The following ALDH2 variants were observed in gnomAD, a reference collection of about 807,000 sequenced individuals.
ALDH2 encodes aldehyde dehydrogenase, mitochondrial.
ALDH2 carries 44 observed loss-of-function variants against 59.6 expected under a neutral mutation model. That is an observed-to-expected ratio of 0.74 (90% CI 0.58 to 0.95). ALDH2 has a LOEUF of 0.95. Ranked by LOEUF, ALDH2 falls within the 40% of genes least tolerant of loss-of-function variation. ALDH2 has a pLI of 0.00. For missense variants in ALDH2, 570 were observed against 696.3 expected, an observed-to-expected ratio of 0.82 and a Z score of 2.04; for synonymous variants, 291 against 284.0, an observed-to-expected ratio of 1.02 and a Z score of -0.25.
intron 10 of ALDH2, chr12:111,799,704 G>T (rs1012070327): frequency 3.1e-5 from 16 of 516,410 alleles, no homozygotes; most frequent in African/African-American, 3.8e-5. Flanking sequence ...AAAGCCCGGG[G>T]CGCACAGGAG....
chr12:111,796,276 C>G (rs111309293), intron 9 of ALDH2, among the ~76,000 whole-genome samples: 21 of 151,944 alleles, frequency 1.4e-4, no homozygotes, highest in African/African-American at 5.1e-4. Context: ...GAGCCAAAAT[C>G]GTGCCACCGC....
At chr12:111,807,211 C>A (rs1011506410) in intron 12 of ALDH2, among the ~76,000 whole-genome samples, 1 of 151,530 alleles carries the variant, frequency 6.6e-6, no homozygotes, top group East Asian at 1.9e-4. Context: ...TGCAGTGAGC[C>A]GAGATGGTGC....
chr12:111,775,699 C>T (rs1566181718), intron 1 of ALDH2: 1 of 455,688 alleles, frequency 2.2e-6, no homozygotes, highest in Non-Finnish European at 4.4e-6. Context: ...ACGCCCCGCC[C>T]AAGAGCGTTT....
intron 4 of ALDH2, among the ~76,000 whole-genome samples, chr12:111,789,104 G>A (rs1455636491): frequency 1.4e-5 from 2 of 142,318 alleles, no homozygotes; most frequent in East Asian, 2.2e-4. Flanking sequence ...TGCAACCTCC[G>A]CCTCCCAGGT....
Position 111,803,957 on chromosome 12 carries a change from A to T in ALDH2, c.1505A>T (p.Tyr502Phe). 6.2e-7 allele frequency: 1 copy of T among 1,610,216 alleles called. No individual in the cohort carries two copies. Residue 502 changes from tyrosine to phenylalanine, a missense_variant, in exon 12 of 13, where the codon TAC (tyrosine) becomes TTC (phenylalanine). Physicochemically the swap from Tyr to Phe is conservative, Grantham distance 22. Coordinates refer to ENST00000261733, the MANE Select transcript of ALDH2 (RefSeq NM_000690.4). ...TTGGGCGAGTACGGGCTGCAGGCATACACTGAAGTGAAAACTGTGAGTGTG... is the reference window on the plus strand; with the variant it reads ...TTGGGCGAGTACGGGCTGCAGGCATTCACTGAAGTGAAAACTGTGAGTGTG... The part of the protein sequence containing the change: ...RELGEYGLQA[Y>F]TEVKTVTVKV...
In ALDH2 at chr12:111,789,727, A is replaced by T. The variant is rs376323968; in HGVS notation, c.441-96A>T. The T allele has an allele frequency of 1.6e-5, 16 of 1,020,986 alleles. No individual in the cohort carries two copies. In the African/African-American group the frequency reaches 1.8e-4, roughly 11 times the overall value. 63.2% of individuals were successfully genotyped at this position (1,020,986 alleles called of 1,614,324 possible). A position where few individuals can be genotyped will look rare whatever the true frequency, so the allele number is the denominator to read the frequency against. On this transcript the variant is annotated intron_variant, in intron 4 of 12. Transcript: ENST00000261733. The stretch of plus-strand genomic sequence containing the variant: ...AAAAGCAAAGACAGTTTTCAGAAAG[A>T]CTCAGCTGGACCAGTTTGAGTCTTC...
rs2068345280 is a variant in ALDH2 at position 111,790,052 on chromosome 12, T to C, written c.552+118T>C. 5 of 907,494 alleles carry C rather than the reference T, an allele frequency of 5.5e-6. No homozygotes were observed. The South Asian group carries it at 7.9e-5, about 14-fold the overall frequency. 56.2% of individuals were successfully genotyped at this position (907,494 alleles called of 1,614,324 possible). The stretch of plus-strand genomic sequence containing the variant: ...GCAGCCTGGGTGGCAGGTAAGAAGA[T>C]GGGCTCTGACAAAGCCAATCCGGTT... On this transcript the variant is annotated intron_variant, in intron 5 of 12. Coordinates refer to ENST00000261733, the MANE Select transcript of ALDH2 (RefSeq NM_000690.4).
At chr12:111,795,999 A>G (rs1046854366) in intron 9 of ALDH2, among the ~76,000 whole-genome samples, 1 of 152,058 alleles carries the variant, frequency 6.6e-6, no homozygotes, top group African/African-American at 2.4e-5. Context: ...GGCAGCTCAC[A>G]TCTGTAACCC....
intron 1 of ALDH2, among the ~76,000 whole-genome samples, chr12:111,771,392 A>G (rs1014219834): frequency 1.3e-5 from 2 of 152,174 alleles, no homozygotes; most frequent in Admixed American, 1.3e-4. Context: ...GCAAGTATAC[A>G]TAGGCACCAT....
At chr12:111,779,724 C>A (rs184413574) in intron 1 of ALDH2, among the ~76,000 whole-genome samples, 167 of 152,318 alleles carry the variant, frequency 1.1e-3, no homozygotes, top group African/African-American at 3.8e-3. Flanking sequence ...CTTCACGTCA[C>A]CTGTAGCCTT....
chr12:111,803,679 C>T (rs572468460), intron 11 of ALDH2, among the ~76,000 whole-genome samples, 180 bp from the exon 12 acceptor site: 3 of 150,458 alleles, frequency 2.0e-5, no homozygotes, highest in Non-Finnish European at 4.4e-5. Context: ...GAGGTTGCAA[C>T]GAGCCAAGAT....
intron 1 of ALDH2, among the ~76,000 whole-genome samples, chr12:111,773,331 A>T (rs1251054961): frequency 1.3e-5 from 2 of 152,200 alleles, no homozygotes; most frequent in African/African-American, 4.8e-5. Flanking sequence ...AATCTGTGGG[A>T]CACACTTGAG....
At chr12:111,785,430 A>G in intron 4 of ALDH2, 84 bp downstream of exon 4, 1 of 1,302,752 alleles carries the variant, frequency 7.7e-7, no homozygotes, top group Non-Finnish European at 1.1e-6. Context: ...TAAATTACAA[A>G]AATTCAAAAG....
intron 4 of ALDH2, among the ~76,000 whole-genome samples, chr12:111,788,367 T>C (rs2068329359): frequency 6.6e-6 from 1 of 152,096 alleles, no homozygotes; most frequent in African/African-American, 2.4e-5. Flanking sequence ...ATCTAGTGGA[T>C]AGAGGTCAGA....
At chr12:111,783,566 G>T (rs1016506463) in intron 3 of ALDH2, among the ~76,000 whole-genome samples, 2 of 152,152 alleles carry the variant, frequency 1.3e-5, no homozygotes, top group African/African-American at 2.4e-5. Flanking sequence ...CTGGAGTGCA[G>T]TGGCGACATC....
At chr12:111,784,870 T>C in intron 3 of ALDH2, among the ~76,000 whole-genome samples, 1 of 152,156 alleles carries the variant, frequency 6.6e-6, no homozygotes, top group African/African-American at 2.4e-5. Context: ...GCTGGGATTA[T>C]AGCTGCAAGT....
At chr12:111,801,906 G>A (rs1013843329) in intron 11 of ALDH2, among the ~76,000 whole-genome samples, 2 of 152,114 alleles carry the variant, frequency 1.3e-5, no homozygotes, top group African/African-American at 4.8e-5. Context: ...AGACAGTGGT[G>A]ATGGTCACAC....
intron 1 of ALDH2, among the ~76,000 whole-genome samples, chr12:111,775,313 G>C (rs960087496): frequency 1.3e-5 from 2 of 152,058 alleles, no homozygotes; most frequent in Admixed American, 1.3e-4. Context: ...CTGTCCCCAG[G>C]CTCTTCCTAG....
At chr12:111,806,584 A>T (rs1279138362) in intron 12 of ALDH2, among the ~76,000 whole-genome samples, 2 of 152,202 alleles carry the variant, frequency 1.3e-5, no homozygotes, top group Non-Finnish European at 2.9e-5. Flanking sequence ...GGCCGAGGAC[A>T]CAACCTGTGT....
Sources: allele counts gnomAD v4.1 joint callset (sites outside exome capture counted in the v4.1 genomes callset), GRCh38; gene constraint gnomAD v4.1.1; transcripts MANE v1.5; gene names NCBI Gene and HGNC (gene_info 2026-07-23, HGNC 2026-07-21).